The following RB1 variants were observed in gnomAD, a reference collection of about 807,000 sequenced individuals.
RB1 encodes retinoblastoma-associated protein.
A neutral mutation model predicts 135.4 loss-of-function variants in RB1; 18 were observed. The ratio of observed to expected loss-of-function variants is 0.13; its 90% CI spans 0.09 to 0.20. RB1 has a LOEUF of 0.20. Ranked by LOEUF, RB1 falls within the 10% of genes least tolerant of loss-of-function variation. RB1 has a pLI of 1.00. For missense variants in RB1, 868 were observed against 1,110.0 expected (o/e 0.78, Z 3.10); for synonymous variants, 365 against 373.2 (o/e 0.98, Z 0.25).
At chr13:48,379,184 A>G (rs963654767) in intron 13 of RB1, among the ~76,000 whole-genome samples, 12 of 152,172 alleles carry the variant, frequency 7.9e-5, no homozygotes, top group African/African-American at 2.9e-4. Context: ...CACATAACCT[A>G]TCTTTAGTAT....
chr13:48,455,800 A>G (rs1949356221), intron 18 of RB1, among the ~76,000 whole-genome samples: 1 of 152,206 alleles, frequency 6.6e-6, no homozygotes. Flanking sequence ...TGTATAACTG[A>G]AATCTTAGAT....
chr13:48,381,876 T>G (rs1000430202), intron 17 of RB1, among the ~76,000 whole-genome samples: 1 of 132,626 alleles, frequency 7.5e-6, no homozygotes, highest in African/African-American at 2.7e-5. Flanking sequence ...CCCCAGTGTG[T>G]GATGTTCCCC....
At chr13:48,341,666 A>C (rs560824019) in intron 2 of RB1, among the ~76,000 whole-genome samples, 3 of 152,164 alleles carry the variant, frequency 2.0e-5, no homozygotes, top group Admixed American at 1.3e-4. Flanking sequence ...AGCTAAAATT[A>C]AGAAAAAGTT....
chr13:48,347,436 G>T (rs1952508203), intron 4 of RB1, among the ~76,000 whole-genome samples: 1 of 152,064 alleles, frequency 6.6e-6, no homozygotes, highest in African/African-American at 2.4e-5. Context: ...CTCCTTGAAT[G>T]ATTTTAAACT....
chr13:48,408,817 A>G (rs999944815), intron 17 of RB1: 1 of 152,200 alleles, frequency 6.6e-6, no homozygotes, highest in African/African-American at 2.4e-5. Context: ...AGTAATAACA[A>G]CTATTTAATG....
chr13:48,417,412 C>A (rs1049250721), intron 17 of RB1: 4 of 152,120 alleles, frequency 2.6e-5, no homozygotes, highest in African/African-American at 7.2e-5. Context: ...ACACAGAAAC[C>A]CCATTTGAAG....
intron 17 of RB1, chr13:48,389,867 A>G (rs1948598385): frequency 2.0e-5 from 3 of 152,300 alleles, no homozygotes; most frequent in Non-Finnish European, 4.4e-5. Context: ...AAGAAACAGG[A>G]TATTTGGCAG....
At chr13:48,314,651 A>G (rs1952164267) in intron 2 of RB1, among the ~76,000 whole-genome samples, 1 of 152,156 alleles carries the variant, frequency 6.6e-6, no homozygotes, top group Non-Finnish European at 1.5e-5. Context: ...AATACAAAAA[A>G]TTAGCTGGGT....
chr13:48,318,662 C>G (rs1050249365), intron 2 of RB1: 42 of 613,316 alleles, frequency 6.8e-5, no homozygotes, highest in Non-Finnish European at 1.1e-4. Flanking sequence ...CCCGCGTTTT[C>G]TTGGGCGTGG....
intron 24 of RB1, 37 bp downstream of exon 24, chr13:48,473,427 A>G: frequency 6.7e-7 from 1 of 1,487,300 alleles, no homozygotes; most frequent in Non-Finnish European, 9.3e-7. Flanking sequence ...AATAGTATGC[A>G]TTGTAAGTAT....
chr13:48,398,394 C>T (rs1336666179), intron 17 of RB1, among the ~76,000 whole-genome samples: 1 of 152,082 alleles, frequency 6.6e-6, no homozygotes, highest in Non-Finnish European at 1.5e-5. Context: ...AATTATTTAG[C>T]TTGTTCTAAA....
intron 3 of RB1, 133 bp from the exon 4 acceptor site, chr13:48,344,947 C>A: frequency 8.9e-7 from 1 of 1,121,716 alleles, no homozygotes; most frequent in Non-Finnish European, 1.2e-6. Context: ...AAAAGTAATT[C>A]CTTCCAAAGG....
In RB1 at chr13:48,350,618, T is replaced by C. The variant is rs192819704; in HGVS notation, c.607+1595T>C. Among the ~76,000 whole-genome samples, 3 of 152,276 alleles carry C rather than the reference T, an allele frequency of 2.0e-5. No individual in the cohort carries two copies. The East Asian group carries it at 5.8e-4, about 29-fold the overall frequency. On this transcript the variant is annotated intron_variant, in intron 6 of 26. Coordinates refer to ENST00000267163, the MANE Select transcript of RB1 (RefSeq NM_000321.3). ...TTAGGTTCAGGGGTACATGTGATGG[T>C]TTGTTACATAGGTAAACTTGTGTCA...
At chr13:48,305,201 A>T (rs1387326153) in intron 1 of RB1, among the ~76,000 whole-genome samples, 1 of 152,036 alleles carries the variant, frequency 6.6e-6, no homozygotes, top group Non-Finnish European at 1.5e-5. Context: ...AAATCCTTTC[A>T]CCCTCACCCA....
At chr13:48,347,493 G>T (rs544670326) in intron 4 of RB1, among the ~76,000 whole-genome samples, 2 of 152,194 alleles carry the variant, frequency 1.3e-5, no homozygotes, top group East Asian at 1.9e-4. Context: ...TCAGGACTTT[G>T]TAAAAGGGAT....
At position 48,481,107 on chromosome 13, in the gene RB1, G is replaced by T. The variant is rs192758219; in HGVS notation, c.*1036G>T. 1.3e-4 allele frequency: 29 copies of T among 230,430 alleles called. No individual in the cohort carries two copies. Among genetic ancestry groups the T allele is most frequent in the African/African-American group, 5.8e-4 (26 of 45,208 alleles). 14.3% of individuals were successfully genotyped at this position (230,430 alleles called of 1,614,324 possible). On this transcript the variant is annotated 3_prime_UTR_variant, in exon 27 of 27. Coordinates refer to ENST00000267163, the MANE Select transcript of RB1 (RefSeq NM_000321.3). Reference sequence around the variant, plus strand: ...ATTCTGCCCTCCTTAATTTGGGAAGGTTTGTGTTTTCTCTGGAATGGTACA... The same window carrying T: ...ATTCTGCCCTCCTTAATTTGGGAAGTTTTGTGTTTTCTCTGGAATGGTACA...
At chr13:48,384,111 G>T (rs1425234361) in intron 17 of RB1, among the ~76,000 whole-genome samples, 1 of 152,012 alleles carries the variant, frequency 6.6e-6, no homozygotes, top group Non-Finnish European at 1.5e-5. Context: ...CTTTATTTTT[G>T]AGAATTTTTG....
intron 1 of RB1, among the ~76,000 whole-genome samples, chr13:48,304,338 GA>G (rs1335607119): frequency 6.6e-6 from 1 of 152,222 alleles, no homozygotes; most frequent in Non-Finnish European, 1.5e-5. Context: ...CTCGGAGGCA[GA>G]GGGTCGTTGC....
In RB1 at chr13:48,319,751, C is replaced by A; in HGVS notation, c.264+12345C>A. 3.6e-6 allele frequency: 1 copy of A among 276,402 alleles called. No homozygotes were observed. Among genetic ancestry groups the A allele is most frequent in the Non-Finnish European group, 7.4e-6 (1 of 134,580 alleles). 17.1% of individuals were successfully genotyped at this position (276,402 alleles called of 1,614,324 possible). A position where few individuals can be genotyped will look rare whatever the true frequency, so the allele number is the denominator to read the frequency against. ...GGTCTGGTTTTTTATCTATTGACCC[C>A]ATCACATTTTTGGGTCGCATGCTAT... is the stretch of plus-strand genomic sequence containing the variant. On this transcript the variant is annotated intron_variant, in intron 2 of 26. Coordinates refer to ENST00000267163, the MANE Select transcript of RB1 (RefSeq NM_000321.3). This position sits in a 1 kb window ranked among gnomAD's most constrained non-coding sequence, Gnocchi z 5.0.
Sources: gnomAD v4.1 joint callset for allele counts (sites outside exome capture counted in the v4.1 genomes callset) on GRCh38, gnomAD v4.1.1 for gene constraint, Gnocchi (gnomAD v3.1) non-coding constraint, MANE v1.5 for transcripts, NCBI Gene and HGNC (gene_info 2026-07-23, HGNC 2026-07-21) for gene names.